The following DDX46 variants were observed in gnomAD, a reference collection of about 807,000 sequenced individuals.
DDX46 encodes DEAD-box helicase 46.
DDX46 carries 30 observed loss-of-function variants against 134.9 expected under a neutral mutation model. The observed-to-expected ratio is 0.22, with a 90% CI of 0.17 to 0.30. DDX46 has a LOEUF of 0.30. DDX46 is among the 10% of genes least tolerant of loss of function. The pLI is 1.00. For synonymous variants in DDX46, 415 were observed against 404.1 expected, an observed-to-expected ratio of 1.03 and a Z score of -0.32; for missense variants, 622 against 1,248.7, an observed-to-expected ratio of 0.50 and a Z score of 7.56.
intron 18 of DDX46, among the ~76,000 whole-genome samples, chr5:134,812,410 C>T (rs1382733911): frequency 6.6e-6 from 1 of 151,998 alleles, no homozygotes; most frequent in Non-Finnish European, 1.5e-5. Context: ...CTTCATTAAA[C>T]CCAGAAATTC....
chr5:134,782,119 AGGG>A (rs1472636665), intron 8 of DDX46, 33 bp downstream of exon 8: 2 of 1,544,916 alleles, frequency 1.3e-6, no homozygotes, highest in Admixed American at 2.2e-5. Context: ...ACTGGTTATA[AGGG>A]AACAGAAGAG....
intron 3 of DDX46, among the ~76,000 whole-genome samples, chr5:134,770,059 T>C (rs1310122223): frequency 6.6e-6 from 1 of 152,132 alleles, no homozygotes; most frequent in East Asian, 1.9e-4. Context: ...TGTACTTATG[T>C]ATTTTTTGTT....
intron 6 of DDX46, 95 bp from the exon 7 acceptor site, chr5:134,781,038 T>A: frequency 1.1e-6 from 1 of 878,524 alleles, no homozygotes; most frequent in Non-Finnish European, 1.7e-6. Context: ...GAAAAAAAAC[T>A]AAAGATGAAA....
At chr5:134,824,873 A>G (rs1001279307) in intron 21 of DDX46, among the ~76,000 whole-genome samples, 2 of 152,204 alleles carry the variant, frequency 1.3e-5, no homozygotes, top group Non-Finnish European at 1.5e-5. Flanking sequence ...GCCTCCCACC[A>G]GGCAAAGGGA....
intron 21 of DDX46, among the ~76,000 whole-genome samples, chr5:134,824,432 T>C (rs1755535803): frequency 6.6e-6 from 1 of 151,924 alleles, no homozygotes. Context: ...CTCTACTAAA[T>C]ACAAAAATTA....
chr5:134,775,515 A>G (rs182365903), intron 5 of DDX46, among the ~76,000 whole-genome samples: 149 of 152,030 alleles, frequency 9.8e-4, no homozygotes, highest in African/African-American at 3.4e-3. Flanking sequence ...AGGTTCAAGA[A>G]ATTCTCTGCC....
intron 1 of DDX46, among the ~76,000 whole-genome samples, chr5:134,761,980 G>A (rs1423966185): frequency 6.6e-6 from 1 of 152,006 alleles, no homozygotes; most frequent in African/African-American, 2.4e-5. Context: ...ATTAGGCCAG[G>A]TGCAGTGGCT....
At chr5:134,800,109 G>A (rs1212659689) in intron 15 of DDX46, among the ~76,000 whole-genome samples, 5 of 151,864 alleles carry the variant, frequency 3.3e-5, no homozygotes, top group Admixed American at 2.6e-4. Flanking sequence ...CGCCATGCCC[G>A]GCTAATTTTT....
intron 9 of DDX46, among the ~76,000 whole-genome samples, chr5:134,783,542 T>A: frequency 1.4e-5 from 2 of 147,888 alleles, no homozygotes; most frequent in African/African-American, 2.5e-5. Context: ...TGAGCCTCCA[T>A]GCCCGGCCTT....
chr5:134,796,225 A>G, intron 15 of DDX46, 75 bp downstream of exon 15: 2 of 1,501,242 alleles, frequency 1.3e-6, no homozygotes, highest in South Asian at 1.2e-5. Flanking sequence ...TCTCGATGAT[A>G]CTTACTTTGT....
At chr5:134,761,406 A>G (rs1753381738) in intron 1 of DDX46, among the ~76,000 whole-genome samples, 1 of 152,168 alleles carries the variant, frequency 6.6e-6, no homozygotes, top group Non-Finnish European at 1.5e-5. Context: ...TAGTGACCGG[A>G]AGTTGGTACG....
At chr5:134,774,322 G>GTA (rs746918755) in intron 5 of DDX46, among the ~76,000 whole-genome samples, 1 of 152,236 alleles carries the variant, frequency 6.6e-6, no homozygotes, top group Middle Eastern at 3.4e-3. Flanking sequence ...ATATTTCACT[G>GTA]TATATATATG....
intron 20 of DDX46, 141 bp downstream of exon 20, chr5:134,817,855 A>AT: frequency 1.4e-6 from 1 of 701,016 alleles, no homozygotes; most frequent in East Asian, 2.7e-5. Context: ...TAGAAATTTG[A>AT]TTTTTATGAG....
At chr5:134,780,585 A>AATAC in intron 6 of DDX46, among the ~76,000 whole-genome samples, 1 of 149,322 alleles carries the variant, frequency 6.7e-6, no homozygotes, top group South Asian at 2.1e-4. Context: ...TAAATAAATA[A>AATAC]ATAAATAAAT....
At chr5:134,820,072 C>T (rs1017935660) in intron 21 of DDX46, among the ~76,000 whole-genome samples, 2 of 152,042 alleles carry the variant, frequency 1.3e-5, no homozygotes, top group African/African-American at 4.8e-5. Flanking sequence ...CAGGCATGCA[C>T]CACCATGCCT....
intron 15 of DDX46, among the ~76,000 whole-genome samples, chr5:134,800,199 C>T (rs551912321): frequency 3.3e-5 from 5 of 152,296 alleles, no homozygotes; most frequent in South Asian, 4.1e-4. Context: ...CCACCTGCCT[C>T]GGCCTTCCAA....
chr5:134,788,872 A>G (rs1193815217), intron 12 of DDX46, among the ~76,000 whole-genome samples: 1 of 152,104 alleles, frequency 6.6e-6, no homozygotes, highest in Non-Finnish European at 1.5e-5. Flanking sequence ...AATAATTGTA[A>G]CAAGTTGATT....
Position 134,829,053 on chromosome 5 carries a change from CT to C in DDX46, c.*350del, listed in dbSNP as rs747614329. The stretch of plus-strand genomic sequence containing the variant: ...ACACAAGTCGTTAAGGGGCTATTCA[CT>C]TTATCCTGTACTTTCAATGAAATTG... On this transcript the variant is annotated 3_prime_UTR_variant, in exon 23 of 23. Coordinates refer to ENST00000452510, the MANE Select transcript of DDX46 (RefSeq NM_001300860.2). 4.8e-5 allele frequency: 8 copies of C among 168,066 alleles called. No homozygotes were observed. The highest frequency in any genetic ancestry group is 8.9e-5 in the Non-Finnish European group (7 of 78,658). The allele number at this position is 168,066 out of a possible 1,614,324, so 10.4% of individuals were successfully genotyped here. A position where few individuals can be genotyped will look rare whatever the true frequency, so the allele number is the denominator to read the frequency against.
intron 13 of DDX46, among the ~76,000 whole-genome samples, chr5:134,793,413 T>TTTTA (rs1449343408): frequency 6.6e-6 from 1 of 151,924 alleles, no homozygotes; most frequent in Non-Finnish European, 1.5e-5. Flanking sequence ...TGGGAATTAT[T>TTTTA]TTTATTTATT....
Sources: gnomAD v4.1 joint callset for allele counts (sites outside exome capture counted in the v4.1 genomes callset) on GRCh38, gnomAD v4.1.1 for gene constraint, MANE v1.5 for transcripts, NCBI Gene and HGNC (gene_info 2026-07-23, HGNC 2026-07-21) for gene names.